The following IGF2R variants were observed in gnomAD, a reference collection of about 807,000 sequenced individuals.
IGF2R encodes the protein cation-independent mannose-6-phosphate receptor.
In IGF2R, 91 loss-of-function variants were observed where a neutral mutation model predicts 270.6. The observed-to-expected ratio is 0.34, with a 90% CI of 0.28 to 0.40. IGF2R has a LOEUF of 0.40. Ranked by LOEUF, IGF2R falls within the 10% of genes least tolerant of loss-of-function variation. The probability of loss-of-function intolerance (pLI) is 1.00; values close to 1 mark genes in which losing one functional copy is unlikely to be tolerated. For synonymous variants in IGF2R, 1,316 were observed against 1,258.9 expected (o/e 1.05, Z -0.96); for missense variants, 2,805 against 3,188.3 (o/e 0.88, Z 2.90).
intron 1 of IGF2R, 65 bp downstream of exon 1, chr6:159,969,460 GC>G (rs1783574062): frequency 1.8e-6 from 2 of 1,116,808 alleles, no homozygotes; most frequent in East Asian, 4.1e-5. Flanking sequence ...GGCGTGGGGG[GC>G]GGGGAGCGCT....
intron 7 of IGF2R, among the ~76,000 whole-genome samples, chr6:160,031,136 C>T (rs1178430710): frequency 2.6e-5 from 4 of 152,146 alleles, no homozygotes; most frequent in African/African-American, 4.8e-5. Flanking sequence ...GCCACCGCAC[C>T]GGCCAGGTTT....
chr6:160,015,470 T>A (rs946151198), intron 4 of IGF2R, among the ~76,000 whole-genome samples: 2 of 152,162 alleles, frequency 1.3e-5, no homozygotes, highest in Admixed American at 1.3e-4. Flanking sequence ...TGGGTGCCCC[T>A]ACTTCATGAA....
chr6:160,007,564 A>G (rs1002698318), intron 2 of IGF2R: 3 of 152,178 alleles, frequency 2.0e-5, no homozygotes, highest in Non-Finnish European at 2.9e-5. Flanking sequence ...TGTGTGACCT[A>G]GATTAGAATT....
intron 44 of IGF2R, chr6:160,095,988 G>T (rs946188698): frequency 6.5e-6 from 1 of 152,820 alleles, no homozygotes; most frequent in Admixed American, 6.5e-5. Flanking sequence ...GTGTCAGTTG[G>T]ACTTTGTGAT....
intron 13 of IGF2R, 44 bp downstream of exon 13, chr6:160,044,701 G>C: frequency 2.0e-6 from 3 of 1,524,302 alleles, no homozygotes; most frequent in Non-Finnish European, 2.7e-6. Context: ...GCTTCTGCCA[G>C]AGGTCCTGCA....
At chr6:160,010,569 C>T in intron 3 of IGF2R, 118 bp from the exon 4 acceptor site, 1 of 661,920 alleles carries the variant, frequency 1.5e-6, no homozygotes. Flanking sequence ...GTTGCATCCC[C>T]TGCCCTTCTT....
At chr6:160,062,457 C>A in intron 25 of IGF2R, 75 bp from the exon 26 acceptor site, 1 of 1,130,972 alleles carries the variant, frequency 8.8e-7, no homozygotes, top group Non-Finnish European at 1.3e-6. Context: ...CAGGTGTGAG[C>A]CACCGTGCCC....
chr6:160,047,941 GGTACA>G, intron 17 of IGF2R, 34 bp downstream of exon 17: 1 of 1,339,122 alleles, frequency 7.5e-7, no homozygotes, highest in Non-Finnish European at 1.1e-6. Flanking sequence ...TTTTTGGCCT[GGTACA>G]GATGCTGAGG....
intron 31 of IGF2R, among the ~76,000 whole-genome samples, 179 bp downstream of exon 31, chr6:160,070,237 C>T (rs185592131): frequency 6.6e-6 from 1 of 152,358 alleles, no homozygotes; most frequent in Non-Finnish European, 1.5e-5. Flanking sequence ...GGGGAACCCT[C>T]GTGCTGTCTG....
At chr6:160,080,578 G>A (rs1778957912) in intron 39 of IGF2R, among the ~76,000 whole-genome samples, 1 of 152,208 alleles carries the variant, frequency 6.6e-6, no homozygotes. Flanking sequence ...TGGTGGTTCA[G>A]ATTATGCCTC....
Position 160,061,989 on chromosome 6 carries a change from T to TG in IGF2R, c.3582+62dup, listed in dbSNP as rs560854292. 315 of 1,472,328 alleles carry TG rather than the reference T, an allele frequency of 2.1e-4. 2 individuals are homozygous for TG. The South Asian group carries it at 3.5e-3, about 16-fold the overall frequency. The allele number at this position is 1,472,328 out of a possible 1,614,324, so 91.2% of individuals were successfully genotyped here. A position where few individuals can be genotyped will look rare whatever the true frequency, so the allele number is the denominator to read the frequency against. On this transcript the variant is annotated intron_variant, in intron 25 of 47. Transcript: ENST00000356956. ...GGGTGACTCCATTTCCCATTTCCCT[T>TG]GAACCTCTGAATCTTCTATCTTGTT... is the stretch of plus-strand genomic sequence containing the variant.
Position 160,049,476 on chromosome 6 carries a change from G to A in IGF2R, c.2514+933G>A, listed in dbSNP as rs530880054. On this transcript the variant is annotated intron_variant, in intron 18 of 47. Coordinates refer to ENST00000356956, the MANE Select transcript of IGF2R (RefSeq NM_000876.4). ...CACCCTGAGATGAGCAGGGGATGGA[G>A]AGGGCGAGGCAGTGCAGTGCAAAAG... is the stretch of plus-strand genomic sequence containing the variant. 1.4e-4 allele frequency among the ~76,000 whole-genome samples: 22 copies of A among 152,296 alleles called. 1 individual carries two copies. In the South Asian group the frequency reaches 4.6e-3, roughly 32 times the overall value.
intron 44 of IGF2R, 39 bp from the exon 45 acceptor site, chr6:160,096,400 T>C: frequency 6.3e-7 from 1 of 1,575,522 alleles, no homozygotes; most frequent in Non-Finnish European, 8.7e-7. Context: ...TCGTGAAAAA[T>C]GATGGTGACA....
At position 160,073,215 on chromosome 6, in the gene IGF2R, G is replaced by T. The variant is rs765800626; in HGVS notation, c.4693G>T (p.Ala1565Ser). The change falls in exon 34 of 48, where the codon GCC (alanine) becomes TCC (serine). Residue 1565 changes from alanine (A) to serine (S), a missense_variant and splice_region_variant. Physicochemically the swap from Ala to Ser is moderately conservative, Grantham distance 99. This residue lies in a region of IGF2R where 1,851 missense variants were observed against 2,207.2 expected (regional missense o/e 0.84). Transcript: ENST00000356956. Reference sequence around the variant, plus strand: ...TCCGCCTTTCCCTTGTGGTGCAGGGGCCTGCTTTGGACAGACCAGGATTAG... The same window carrying T: ...TCCGCCTTTCCCTTGTGGTGCAGGGTCCTGCTTTGGACAGACCAGGATTAG... ...ENENCPPGVG[A>S]CFGQTRISVG... The T allele has an allele frequency of 8.7e-6, 14 of 1,613,512 alleles. No homozygotes were observed. The highest frequency in any genetic ancestry group is 1.2e-5 in the Non-Finnish European group (14 of 1,179,560).
chr6:160,038,659 G>C (rs1181331974), intron 10 of IGF2R, among the ~76,000 whole-genome samples: 1 of 152,150 alleles, frequency 6.6e-6, no homozygotes, highest in East Asian at 1.9e-4. Context: ...GCGCGTCACT[G>C]TTGCTGTTAG....
rs1402723427 is a variant in IGF2R, at chr6:160,107,881, A to G, written c.*2797A>G. 6.6e-6 allele frequency: 1 copy of G among 152,242 alleles called. No homozygotes were observed. The highest frequency in any genetic ancestry group is 2.4e-5 in the African/African-American group (1 of 41,462). The allele number at this position is 152,242 out of a possible 1,614,324, so 9.4% of individuals were successfully genotyped here. On this transcript the variant is annotated 3_prime_UTR_variant, in exon 48 of 48. Coordinates refer to ENST00000356956, the MANE Select transcript of IGF2R (RefSeq NM_000876.4). ...ACAAAGAACTCTTTTTCCCTGAATCATTTGAGATGAAGTTTCTTCCCATCA... is the reference window on the plus strand; with the variant it reads ...ACAAAGAACTCTTTTTCCCTGAATCGTTTGAGATGAAGTTTCTTCCCATCA...
chr6:160,011,552 T>A, intron 4 of IGF2R, among the ~76,000 whole-genome samples: 1 of 41,308 alleles, frequency 2.4e-5, no homozygotes, highest in South Asian at 1.1e-3. Flanking sequence ...ACATATTTCG[T>A]TTTTTTTTTT....
Position 159,998,005 on chromosome 6 carries a change from G to C in IGF2R, c.289+6682G>C, listed in dbSNP as rs77213973. ...AAAAACCTGGTGAGAGGGATTTGAG[G>C]CCTGGGATTGAGATCTGAGAAAGCA... is the stretch of plus-strand genomic sequence containing the variant. On this transcript the variant is annotated intron_variant, in intron 2 of 47. Coordinates refer to ENST00000356956, the MANE Select transcript of IGF2R (RefSeq NM_000876.4). The surrounding 1 kb of genome is among the most constrained non-coding windows in gnomAD (Gnocchi z 4.1). 3.7e-3 allele frequency among the ~76,000 whole-genome samples: 559 copies of C among 152,270 alleles called. 2 individuals are homozygous for C. The highest frequency in any genetic ancestry group is 0.014 in the Middle Eastern group (4 of 294).
At chr6:160,079,934 AC>A in intron 38 of IGF2R, 147 bp downstream of exon 38, 2 of 979,616 alleles carry the variant, frequency 2.0e-6, no homozygotes, top group South Asian at 1.6e-5. Context: ...TCCTCTGTAC[AC>A]CCCCGGTGTG....
Sources: allele counts gnomAD v4.1 joint callset (sites outside exome capture counted in the v4.1 genomes callset), GRCh38; gene constraint gnomAD v4.1.1; regional missense constraint gnomAD v4.1.1; non-coding constraint Gnocchi (gnomAD v3.1); transcripts MANE v1.5; gene names NCBI Gene and HGNC (gene_info 2026-07-23, HGNC 2026-07-21).